The following RYR1 variants were observed in gnomAD, a reference collection of about 807,000 sequenced individuals.
RYR1 encodes ryanodine receptor 1.
RYR1 carries 342 observed loss-of-function variants against 583.5 expected under a neutral mutation model. That is an observed-to-expected ratio of 0.59 (90% CI 0.54 to 0.64). The LOEUF (loss-of-function observed/expected upper bound fraction) is 0.64, where lower values mean the gene tolerates loss of function less well. RYR1 is among the 30% of genes least tolerant of loss of function. The pLI is 0.00. For synonymous variants in RYR1, 2,791 were observed against 2,822.5 expected, an observed-to-expected ratio of 0.99 and a Z score of 0.35; for missense variants, 6,032 against 6,917.2, an observed-to-expected ratio of 0.87 and a Z score of 4.54.
chr19:38,556,874 A>G (rs1262085832), intron 89 of RYR1, among the ~76,000 whole-genome samples: 1 of 151,946 alleles, frequency 6.6e-6, no homozygotes, highest in Non-Finnish European at 1.5e-5. Context: ...GACTCAGCCA[A>G]AGTTCGAGCA....
At chr19:38,489,015 G>C (rs1030853677) in intron 34 of RYR1, among the ~76,000 whole-genome samples, 162 bp from the exon 35 acceptor site, 1 of 152,162 alleles carries the variant, frequency 6.6e-6, no homozygotes, top group African/African-American at 2.4e-5. Flanking sequence ...AAGGAGGGTG[G>C]ATGGCAAGGC....
At chr19:38,527,165 A>C in intron 72 of RYR1, 113 bp downstream of exon 72, 3 of 1,201,028 alleles carry the variant, frequency 2.5e-6, no homozygotes, top group Non-Finnish European at 3.6e-6. Flanking sequence ...CTCAAAGGTC[A>C]GGAGTTTGAG....
intron 60 of RYR1, 101 bp from the exon 61 acceptor site, chr19:38,511,460 T>G (rs894224307): frequency 3.5e-5 from 44 of 1,255,588 alleles, no homozygotes; most frequent in Admixed American, 5.1e-5. Context: ...TCTCCTTGTC[T>G]TCTCTGTCCC....
chr19:38,479,298 G>A (rs1288472965), intron 31 of RYR1, among the ~76,000 whole-genome samples: 1 of 152,218 alleles, frequency 6.6e-6, no homozygotes, highest in Non-Finnish European at 1.5e-5. Flanking sequence ...CAATGTTGTA[G>A]ATATTGGCTT....
rs761793739 is a variant in RYR1, at chr19:38,473,700, G to C, written c.4089G>C (p.Ala1363=). The C allele has an allele frequency of 1.2e-5, 19 of 1,549,282 alleles. No individual in the cohort carries two copies. Among genetic ancestry groups the C allele is most frequent in the South Asian group, 6.0e-5 (5 of 83,994 alleles). Residue 1363 remains alanine, a synonymous_variant, in exon 28 of 106, where the codon GCG becomes GCC. Coordinates refer to ENST00000359596, the MANE Select transcript of RYR1 (RefSeq NM_000540.3). The stretch of plus-strand genomic sequence containing the variant: ...GCGCCCCCGGGGGCACCCCGCAGGC[G>C]GGGGGAGAGGCGCAGCCCGCCAGGG... ...KEGAPGGTPQ[A]GGEAQPARAE... is the part of the protein sequence containing the mutation.
chr19:38,439,803 G>C (rs552855544), intron 1 of RYR1, among the ~76,000 whole-genome samples: 2 of 152,172 alleles, frequency 1.3e-5, no homozygotes, highest in African/African-American at 4.8e-5. Flanking sequence ...TACTGCGCCC[G>C]GACTCAATAC....
chr19:38,519,405 G>T lies in RYR1; in HGVS notation c.10210G>T (p.Asp3404Tyr), dbSNP rs1374807898. 1 of 1,603,158 alleles carries T rather than the reference G, an allele frequency of 6.2e-7. No individual in the cohort carries two copies. The highest frequency in any genetic ancestry group is 1.3e-5 in the African/African-American group (1 of 74,614). Reference protein sequence around the residue: ...VRDEFSVLCRDLYALYPLLIR... With the variant: ...VRDEFSVLCRYLYALYPLLIR... Reference sequence around the variant, plus strand: ...GGACGAGTTCTCTGTGCTCTGCCGGGACCTCTACGCCCTGTATCCGCTGCT... The same window carrying T: ...GGACGAGTTCTCTGTGCTCTGCCGGTACCTCTACGCCCTGTATCCGCTGCT... The change falls in exon 67 of 106, where the codon GAC (aspartate) becomes TAC (tyrosine). Residue 3404 changes from aspartate to tyrosine, a missense_variant. Coordinates refer to ENST00000359596, the MANE Select transcript of RYR1 (RefSeq NM_000540.3).
At position 38,486,022 on chromosome 19, in the gene RYR1, T is replaced by C; in HGVS notation, c.5367T>C (p.Ala1789=). The change falls in exon 34 of 106, where the codon GCT becomes GCC. Residue 1789 remains alanine (A), a synonymous_variant. Transcript: ENST00000359596. ...PPCFVAALPA[A]GAAEAPARLS... Reference sequence around the variant, plus strand: ...GTTTCGTGGCCGCTCTGCCAGCTGCTGGGGCAGCAGAGGCCCCGGCCCGCC... The same window carrying C: ...GTTTCGTGGCCGCTCTGCCAGCTGCCGGGGCAGCAGAGGCCCCGGCCCGCC... 1 of 1,613,314 alleles carries C rather than the reference T, an allele frequency of 6.2e-7. No homozygotes were observed. The highest frequency in any genetic ancestry group is 8.5e-7 in the Non-Finnish European group (1 of 1,179,808).
At chr19:38,534,358 C>T (rs1167157274) in intron 78 of RYR1, among the ~76,000 whole-genome samples, 3 of 152,122 alleles carry the variant, frequency 2.0e-5, no homozygotes, top group Non-Finnish European at 4.4e-5. Flanking sequence ...CTGCTAATAT[C>T]GCTGTGATTT....
chr19:38,567,819 C>A lies in RYR1; in HGVS notation c.13561C>A (p.Pro4521Thr), dbSNP rs1443575424. 1.9e-6 allele frequency: 3 copies of A among 1,614,138 alleles called. No homozygotes were observed. Among genetic ancestry groups the A allele is most frequent in the Non-Finnish European group, 8.5e-7 (1 of 1,180,006 alleles). The change falls in exon 93 of 106, where the codon CCC (proline) becomes ACC (threonine). Residue 4521 changes from proline (P) to threonine (T), a missense_variant. Coordinates refer to ENST00000359596, the MANE Select transcript of RYR1 (RefSeq NM_000540.3). ...AGAAGTTCCCGAGCCCACACCAGAG[C>A]CCCCCAAGAAGCAAGCACCTCCCTC... Reference protein sequence around the residue: ...KEEVPEPTPEPPKKQAPPSPP... With the variant: ...KEEVPEPTPETPKKQAPPSPP...
At chr19:38,575,346 C>T (rs763373851) in intron 96 of RYR1, among the ~76,000 whole-genome samples, 9 of 152,162 alleles carry the variant, frequency 5.9e-5, no homozygotes, top group African/African-American at 9.7e-5. Context: ...GGGGTCCCCA[C>T]TGTTCAAGGT....
chr19:38,483,854 A>G lies in RYR1; in HGVS notation c.4934+338A>G, dbSNP rs1011841449. On this transcript the variant is annotated intron_variant, in intron 33 of 105. Coordinates refer to ENST00000359596, the MANE Select transcript of RYR1 (RefSeq NM_000540.3). This position sits in a 1 kb window ranked among gnomAD's most constrained non-coding sequence, Gnocchi z 6.3. ...CACATCAACACCCCAGGGGGCCCCA[A>G]GTACACCCCAGGATCCCTGGACATG... 6.6e-6 allele frequency among the ~76,000 whole-genome samples: 1 copy of G among 151,982 alleles called. No individual in the cohort carries two copies. The highest frequency in any genetic ancestry group is 2.4e-5 in the African/African-American group (1 of 41,386).
chr19:38,490,490 A>G (rs1026899530), intron 36 of RYR1, 131 bp from the exon 37 acceptor site: 17 of 800,706 alleles, frequency 2.1e-5, no homozygotes, highest in Non-Finnish European at 3.6e-5. Flanking sequence ...AGTCTCCCAA[A>G]TAGTCTTCAT....
chr19:38,469,637 A>C (rs1044382057), intron 27 of RYR1, 124 bp downstream of exon 27: 15 of 1,036,118 alleles, frequency 1.4e-5, no homozygotes, highest in Admixed American at 2.0e-5. Context: ...AGCAAGTGTC[A>C]GAGTGATGGG....
chr19:38,451,743 C>A (rs556856901), intron 11 of RYR1, 21 bp from the exon 12 acceptor site: 2 of 1,613,868 alleles, frequency 1.2e-6, no homozygotes, highest in Non-Finnish European at 8.5e-7. Flanking sequence ...CCACTCCAGA[C>A]CTCTGTCTCC....
At chr19:38,535,970 C>T (rs776447044) in intron 81 of RYR1, 27 bp from the exon 82 acceptor site, 33 of 1,607,512 alleles carry the variant, frequency 2.1e-5, no homozygotes, top group Non-Finnish European at 2.5e-5. Flanking sequence ...CATCACATAC[C>T]CCCTATCTTT....
At chr19:38,489,567 G>A in intron 35 of RYR1, 124 bp downstream of exon 35, 1 of 983,080 alleles carries the variant, frequency 1.0e-6, no homozygotes, top group Admixed American at 1.7e-5. Context: ...ATATGGCAGT[G>A]AGCAATGCCA....
chr19:38,560,342 G>A (rs936031821), intron 89 of RYR1, among the ~76,000 whole-genome samples: 3 of 151,618 alleles, frequency 2.0e-5, no homozygotes, highest in Non-Finnish European at 4.4e-5. Flanking sequence ...CTCCAGCCTG[G>A]GTGAAAGAGT....
chr19:38,505,277 T>C, intron 52 of RYR1, 32 bp from the exon 53 acceptor site: 1 of 1,491,912 alleles, frequency 6.7e-7, no homozygotes, highest in Non-Finnish European at 9.3e-7. Context: ...AACTGCTGCC[T>C]CCCCCTCACC....
Sources: gnomAD v4.1 joint callset for allele counts (sites outside exome capture counted in the v4.1 genomes callset) on GRCh38, gnomAD v4.1.1 for gene constraint, Gnocchi (gnomAD v3.1) non-coding constraint, MANE v1.5 for transcripts, NCBI Gene and HGNC (gene_info 2026-07-23, HGNC 2026-07-21) for gene names.